Variants in COL16A1 observed in about 807,000 individuals in gnomAD.
COL16A1 encodes collagen alpha-1(XVI) chain.
Under a neutral mutation model 266.3 loss-of-function variants are expected in COL16A1, and 189 were observed. The observed-to-expected ratio is 0.71, with a 90% CI of 0.63 to 0.80. The LOEUF (loss-of-function observed/expected upper bound fraction) is 0.80, where lower values mean the gene tolerates loss of function less well. Among genes scored for constraint, COL16A1 ranks in the 30% least tolerant of loss-of-function variants. The probability of loss-of-function intolerance (pLI) is 0.00; values close to 1 mark genes in which losing one functional copy is unlikely to be tolerated. For synonymous variants in COL16A1, 740 were observed against 782.3 expected (o/e 0.95, Z 0.90); for missense variants, 1,928 against 2,122.4 (o/e 0.91, Z 1.80).
chr1:31,665,082 T>G (rs1358940314), intron 56 of COL16A1, 90 bp downstream of exon 56: 10 of 1,552,768 alleles, frequency 6.4e-6, no homozygotes, highest in South Asian at 6.0e-5. Context: ...GTCTTGGAAT[T>G]TCCTGAAAGC....
chr1:31,680,411 A>T (rs1643546181), intron 39 of COL16A1, among the ~76,000 whole-genome samples: 1 of 152,154 alleles, frequency 6.6e-6, no homozygotes. Context: ...CGTCAGTTAT[A>T]ACCTTCTCTG....
chr1:31,689,897 C>A, intron 22 of COL16A1, 46 bp from the exon 23 acceptor site: 1 of 1,570,050 alleles, frequency 6.4e-7, no homozygotes, highest in Non-Finnish European at 8.8e-7. Flanking sequence ...GGGCTGAGAC[C>A]CCAGGGAAGG....
chr1:31,661,883 G>A (rs1366369014), intron 58 of COL16A1, 179 bp from the exon 59 acceptor site: 1 of 676,342 alleles, frequency 1.5e-6, no homozygotes, highest in Non-Finnish European at 2.5e-6. Flanking sequence ...CCCCTCTCCG[G>A]GCCTTAGCTT....
chr1:31,656,593 C>T lies in COL16A1; in HGVS notation c.4057-149G>A, dbSNP rs529696505. 1.0e-5 allele frequency: 13 copies of T among 1,284,494 alleles called. No homozygotes were observed. The highest frequency in any genetic ancestry group is 1.3e-5 in the Non-Finnish European group (12 of 947,724). The allele number at this position is 1,284,494 out of a possible 1,614,324, so 79.6% of individuals were successfully genotyped here. ...TGTGTGAGAAAGGAGCGCAGCCTCC[C>T]TGCCCAGCTGGAAGGGAAAATAATG... On this transcript the variant is annotated intron_variant, in intron 65 of 70. Transcript: ENST00000373672. The surrounding 1 kb of genome is among the most constrained non-coding windows in gnomAD (Gnocchi z 4.2).
intron 70 of COL16A1, among the ~76,000 whole-genome samples, 197 bp from the exon 71 acceptor site, chr1:31,653,050 A>G (rs531682496): frequency 3.9e-5 from 6 of 152,370 alleles, no homozygotes; most frequent in African/African-American, 1.4e-4. Context: ...TAGAACTTCC[A>G]TGTGCCAGGC....
chr1:31,699,426 A>G lies in COL16A1; in HGVS notation c.266+387T>C, dbSNP rs868272594. ...GAGAGCTGAGGTTGAAGAGGCAAGC[A>G]GGGGCCAGGCCAGGGCTTGTGGGAA... On this transcript the variant is annotated intron_variant, in intron 4 of 70. Coordinates refer to ENST00000373672, the MANE Select transcript of COL16A1 (RefSeq NM_001856.4). 4.0e-4 allele frequency among the ~76,000 whole-genome samples: 61 copies of G among 152,202 alleles called. 1 individual carries two copies. Among genetic ancestry groups the G allele is most frequent in the African/African-American group, 1.4e-3 (57 of 41,452 alleles).
intron 59 of COL16A1, 74 bp from the exon 60 acceptor site, chr1:31,661,532 T>C: frequency 6.2e-7 from 1 of 1,613,194 alleles, no homozygotes; most frequent in Non-Finnish European, 8.5e-7. Context: ...CCTTCCTCAG[T>C]TCAAACAATT....
In COL16A1 at chr1:31,658,911, C is replaced by A; in HGVS notation, c.3930+3G>T. On this transcript the variant is annotated splice_donor_region_variant and intron_variant, in intron 63 of 70. Transcript: ENST00000373672. ...GGAGGAAGGAGTGGAGCATGTTACT[C>A]ACCACTGCAGAGATCCCAGCTGGTC... 6.4e-7 allele frequency: 1 copy of A among 1,553,198 alleles called. No individual in the cohort carries two copies. Among genetic ancestry groups the A allele is most frequent in the South Asian group, 1.2e-5 (1 of 84,082 alleles).
At position 31,689,765 on chromosome 1, in the gene COL16A1, C is replaced by T. The variant is rs1435482100; in HGVS notation, c.1596G>A (p.Glu532=). 1 of 1,614,094 alleles carries T rather than the reference C, an allele frequency of 6.2e-7. No individual in the cohort carries two copies. Among genetic ancestry groups the T allele is most frequent in the Admixed American group, 1.7e-5 (1 of 60,024 alleles). ...CCCTGGCTGGTACAGGATCACCAGGCTCCCCTTTGGGCCCTGGCTTTCCAG... is the reference window on the plus strand; with the variant it reads ...CCCTGGCTGGTACAGGATCACCAGGTTCCCCTTTGGGCCCTGGCTTTCCAG... The part of the protein sequence containing the change: ...GLPGKPGPKG[E]PGDPVPARGD... The change falls in exon 23 of 71, where the codon GAG becomes GAA. Residue 532 remains glutamate, a synonymous_variant. Coordinates refer to ENST00000373672, the MANE Select transcript of COL16A1 (RefSeq NM_001856.4).
chr1:31,694,092 G>A, intron 12 of COL16A1, 52 bp downstream of exon 12: 1 of 1,552,342 alleles, frequency 6.4e-7, no homozygotes, highest in Non-Finnish European at 8.8e-7. Context: ...CTGTGGGAAT[G>A]GCTGGGGATG....
At chr1:31,667,985 C>T (rs1284015661) in intron 51 of COL16A1, among the ~76,000 whole-genome samples, 180 bp downstream of exon 51, 2 of 152,210 alleles carry the variant, frequency 1.3e-5, no homozygotes, top group Non-Finnish European at 2.9e-5. Context: ...GACCAATCCA[C>T]ACTGCCAAGG....
In COL16A1 at chr1:31,668,131, G is replaced by C. The variant is rs1642303343; in HGVS notation, c.3303+34C>G. 1 of 1,585,168 alleles carries C rather than the reference G, an allele frequency of 6.3e-7. No homozygotes were observed. Among genetic ancestry groups the C allele is most frequent in the Admixed American group, 1.8e-5 (1 of 55,768 alleles). The stretch of plus-strand genomic sequence containing the variant: ...CACCAGCCCAAACCTCTGGTACCTG[G>C]CACCCACTCCCCAGCAAGGGTCCCC... On this transcript the variant is annotated intron_variant, in intron 51 of 70. Coordinates refer to ENST00000373672, the MANE Select transcript of COL16A1 (RefSeq NM_001856.4). The surrounding 1 kb of genome is among the most constrained non-coding windows in gnomAD (Gnocchi z 5.8).
chr1:31,665,816 C>T, intron 54 of COL16A1, 66 bp downstream of exon 54: 1 of 1,611,838 alleles, frequency 6.2e-7, no homozygotes, highest in Admixed American at 1.7e-5. Context: ...GAGACTAGAG[C>T]TGGTGATCAC....
chr1:31,653,253 A>G (rs527617598), intron 70 of COL16A1, among the ~76,000 whole-genome samples: 2 of 152,316 alleles, frequency 1.3e-5, no homozygotes, highest in African/African-American at 4.8e-5. Context: ...CCAAACATTC[A>G]TCGTAGAGAG....
rs781646012 is a variant in COL16A1, at chr1:31,683,731, T to C, written c.2355A>G (p.Pro785=). The C allele has an allele frequency of 2.5e-6, 4 of 1,614,008 alleles. No individual in the cohort carries two copies. In the African/African-American group the frequency reaches 5.3e-5, roughly 22 times the overall value. ...LKGVQGEPGP[P]GRGVQGPQGE... ...CCTGGGGTCCCTGGACTCCCCTTCC[T>C]GGAGGCCCTGGCTCTCCCTGAAGAG... Residue 785 remains proline (P), a synonymous_variant, in exon 34 of 71, where the codon CCA becomes CCG. Transcript: ENST00000373672.
intron 11 of COL16A1, among the ~76,000 whole-genome samples, chr1:31,694,982 G>A (rs947914770): frequency 6.6e-5 from 10 of 152,230 alleles, no homozygotes; most frequent in Non-Finnish European, 1.3e-4. Flanking sequence ...TGACAAGGCA[G>A]GTCACAGGCT....
intron 48 of COL16A1, among the ~76,000 whole-genome samples, chr1:31,671,372 G>A (rs1435583437): frequency 6.6e-6 from 1 of 152,188 alleles, no homozygotes; most frequent in African/African-American, 2.4e-5. Flanking sequence ...AAGCAAAGAG[G>A]TGCCTCTGAG....
At position 31,691,460 on chromosome 1, in the gene COL16A1, G is replaced by T; in HGVS notation, c.1355C>A (p.Pro452His). 1 of 1,613,190 alleles carries T rather than the reference G, an allele frequency of 6.2e-7. No homozygotes were observed. Reference sequence around the variant, plus strand: ...TATCCCAGGGGGTCCAGGGAGGCCGGGGGGCCCAGGCTCTCCTGCCAGCCC... The same window carrying T: ...TATCCCAGGGGGTCCAGGGAGGCCGTGGGGCCCAGGCTCTCCTGCCAGCCC... ...PEGLAGEPGPPGLPGPPGIGL... is the reference protein window; with the variant it reads ...PEGLAGEPGPHGLPGPPGIGL... Residue 452 changes from proline (P) to histidine (H), a missense_variant, in exon 19 of 71, where the codon CCC (proline) becomes CAC (histidine). Physicochemically the swap from Pro to His is moderately conservative, Grantham distance 77 (BLOSUM62 -2). This residue lies in a region of COL16A1 where 1,552 missense variants were observed against 1,637.2 expected (regional missense o/e 0.95). Coordinates refer to ENST00000373672, the MANE Select transcript of COL16A1 (RefSeq NM_001856.4).
Position 31,684,511 on chromosome 1 carries a change from C to T in COL16A1, c.2160+12G>A, listed in dbSNP as rs752360299. On this transcript the variant is annotated intron_variant, in intron 31 of 70. Transcript: ENST00000373672. ...ACAAACTCCCCGACCCCAACCACCC[C>T]GCCTGACTAACCTTTTCTCCTTTTG... 17 of 1,608,458 alleles carry T rather than the reference C, an allele frequency of 1.1e-5. No homozygotes were observed. Among genetic ancestry groups the T allele is most frequent in the East Asian group, 6.7e-5 (3 of 44,798 alleles).
Sources: allele counts gnomAD v4.1 joint callset (sites outside exome capture counted in the v4.1 genomes callset), GRCh38; gene constraint gnomAD v4.1.1; regional missense constraint gnomAD v4.1.1; non-coding constraint Gnocchi (gnomAD v3.1); transcripts MANE v1.5; gene names NCBI Gene and HGNC (gene_info 2026-07-23, HGNC 2026-07-21).